Variants in RTCB observed in about 807,000 individuals in gnomAD.
RTCB encodes RNA 2',3'-cyclic phosphate and 5'-OH ligase, also known as RNA-splicing ligase RTCB.
Under a neutral mutation model 58.2 loss-of-function variants are expected in RTCB, and 32 were observed. That is an observed-to-expected ratio of 0.55 (90% CI 0.41 to 0.74). The LOEUF (loss-of-function observed/expected upper bound fraction) is 0.74, where lower values mean the gene tolerates loss of function less well. RTCB is among the 30% of genes least tolerant of loss of function. The probability of loss-of-function intolerance (pLI) is 0.00; values close to 1 mark genes in which losing one functional copy is unlikely to be tolerated. For synonymous variants in RTCB, 247 were observed against 218.6 expected, an observed-to-expected ratio of 1.13 and a Z score of -1.15; for missense variants, 523 against 639.0, an observed-to-expected ratio of 0.82 and a Z score of 1.96.
At chr22:32,402,844 C>G (rs2049947) in intron 4 of RTCB, among the ~76,000 whole-genome samples, 67,047 of 151,834 alleles carry the variant, frequency 0.44, 15,708 homozygotes, top group African/African-American at 0.62. Context: ...TTCCCGGCTC[C>G]AGCAATCCTC....
chr22:32,388,221 T>A (rs938878422), intron 11 of RTCB, 122 bp from the exon 12 acceptor site: 4 of 615,122 alleles, frequency 6.5e-6, no homozygotes, highest in African/African-American at 5.6e-5. Flanking sequence ...TTTTTTTGCC[T>A]ATGAAATTAG....
chr22:32,393,032 G>A (rs576323795), intron 10 of RTCB, among the ~76,000 whole-genome samples: 2 of 152,158 alleles, frequency 1.3e-5, no homozygotes, highest in Non-Finnish European at 2.9e-5. Flanking sequence ...AATCTCCTGG[G>A]CTCAAGCAAT....
chr22:32,401,675 A>G, intron 5 of RTCB, 72 bp downstream of exon 5: 1 of 1,506,204 alleles, frequency 6.6e-7, no homozygotes, highest in East Asian at 2.3e-5. Context: ...AGTGTACTGC[A>G]CTGGAAAGGA....
chr22:32,398,284 G>A (rs1479441990), intron 6 of RTCB, among the ~76,000 whole-genome samples, 184 bp from the exon 7 acceptor site: 2 of 151,986 alleles, frequency 1.3e-5, no homozygotes, highest in Non-Finnish European at 2.9e-5. Context: ...ACAAAATAAC[G>A]TAGACTAGCT....
At chr22:32,401,560 A>G (rs1238635962) in intron 5 of RTCB, 187 bp downstream of exon 5, 13 of 568,230 alleles carry the variant, frequency 2.3e-5, no homozygotes, top group Non-Finnish European at 3.3e-5. Flanking sequence ...AAAGGCTGTT[A>G]TAACATCGGT....
chr22:32,398,645 A>G (rs543734065), intron 6 of RTCB, among the ~76,000 whole-genome samples: 8 of 152,262 alleles, frequency 5.3e-5, no homozygotes, highest in African/African-American at 9.6e-5. Flanking sequence ...TCATAAACAA[A>G]AAAAATCAAG....
chr22:32,399,523 G>C (rs1933300169), intron 6 of RTCB, 80 bp downstream of exon 6: 1 of 1,319,532 alleles, frequency 7.6e-7, no homozygotes, highest in Admixed American at 2.1e-5. Flanking sequence ...TTTGCTAAAT[G>C]TAAGATATAG....
In RTCB at chr22:32,388,067, C is replaced by T. The variant is rs1008000356; in HGVS notation, c.1443G>A (p.Val481=). 2.5e-6 allele frequency: 4 copies of T among 1,613,620 alleles called. No homozygotes were observed. Among genetic ancestry groups the T allele is most frequent in the Non-Finnish European group, 3.4e-6 (4 of 1,179,588 alleles). Residue 481 remains valine (V), a synonymous_variant, in exon 12 of 12, where the codon GTG becomes GTA. Coordinates refer to ENST00000216038, the MANE Select transcript of RTCB (RefSeq NM_014306.5). The part of the protein sequence containing the change: ...APESYKNVTD[V]VNTCHDAGIS... ...TTCCAGCATCATGGCAGGTATTTAC[C>T]ACATCTGTCACATTCTTATAGGACT...
chr22:32,392,397 AAG>A, intron 10 of RTCB, 38 bp from the exon 11 acceptor site: 1 of 1,613,192 alleles, frequency 6.2e-7, no homozygotes, highest in Non-Finnish European at 8.5e-7. Flanking sequence ...TTTAAACCCT[AAG>A]ATGATAAGCC....
At chr22:32,395,970 G>A (rs1933239211) in intron 8 of RTCB, 104 bp downstream of exon 8, 1 of 1,180,476 alleles carries the variant, frequency 8.5e-7, no homozygotes, top group Non-Finnish European at 1.2e-6. Context: ...AAAGTGTTGG[G>A]ATTACAGGCA....
intron 5 of RTCB, chr22:32,401,505 T>A (rs1243397779): frequency 9.8e-6 from 4 of 407,856 alleles, no homozygotes; most frequent in Admixed American, 4.0e-5. Flanking sequence ...AAGTGCTCAA[T>A]AAACGTTGGT....
chr22:32,401,626 C>G (rs1933337626), intron 5 of RTCB, 121 bp downstream of exon 5: 1 of 1,132,664 alleles, frequency 8.8e-7, no homozygotes, highest in East Asian at 2.4e-5. Context: ...ACAGTTCTTA[C>G]TACTTCCTGA....
chr22:32,412,003 G>A (rs1933534938), intron 1 of RTCB, 61 bp downstream of exon 1: 4 of 1,381,706 alleles, frequency 2.9e-6, no homozygotes, highest in Non-Finnish European at 4.0e-6. Context: ...AGGGCGCAGT[G>A]GACGCCGGCC....
At chr22:32,388,557 A>C (rs1302639301) in intron 11 of RTCB, among the ~76,000 whole-genome samples, 2 of 152,212 alleles carry the variant, frequency 1.3e-5, no homozygotes, top group Non-Finnish European at 2.9e-5. Flanking sequence ...TATAAAATTC[A>C]TATATGTATA....
chr22:32,396,250 C>A lies in RTCB; in HGVS notation c.815-1G>T, dbSNP rs1456400819. On this transcript the variant is annotated splice_acceptor_variant, in intron 7 of 11. Coordinates refer to ENST00000216038, the MANE Select transcript of RTCB (RefSeq NM_014306.5). LOFTEE classifies it high-confidence loss of function. The stretch of plus-strand genomic sequence containing the variant: ...GCCTTCTCCATAGCTACCAGCGCAT[C>A]TGGAACAAGAGCCACAAAGTCCAAA... The A allele has an allele frequency of 6.2e-7, 1 of 1,613,764 alleles. No homozygotes were observed. Among genetic ancestry groups the A allele is most frequent in the Non-Finnish European group, 8.5e-7 (1 of 1,179,874 alleles).
intron 3 of RTCB, chr22:32,407,318 C>CGAAA (rs1298210921): frequency 1.3e-5 from 2 of 153,194 alleles, no homozygotes; most frequent in East Asian, 3.9e-4. Context: ...CATACCATTT[C>CGAAA]ATTCCCTCTA....
At chr22:32,394,352 T>A (rs1479282643) in intron 9 of RTCB, among the ~76,000 whole-genome samples, 2 of 152,002 alleles carry the variant, frequency 1.3e-5, no homozygotes, top group Non-Finnish European at 2.9e-5. Context: ...AACTCGTGAT[T>A]TGCCCGCCTT....
chr22:32,411,925 G>C lies in RTCB; in HGVS notation c.93+139C>G. The C allele has an allele frequency of 4.7e-6, 3 of 633,700 alleles. No homozygotes were observed. The South Asian group carries it at 6.4e-5, about 14-fold the overall frequency. The allele number at this position is 633,700 out of a possible 1,614,324, so 39.3% of individuals were successfully genotyped here. ...GTTGGGCGGCCCCAGAACCGTGAGG[G>C]GAGAAGGACGGGATGAGGGAAACTC... On this transcript the variant is annotated intron_variant, in intron 1 of 11. Transcript: ENST00000216038.
In RTCB at chr22:32,391,794, G is replaced by C. The variant is rs577300767; in HGVS notation, c.1410+446C>G. Reference sequence around the variant, plus strand: ...TCTTAAATCATTAAGGAATTATATTGCTTTTAATTTAAATATGTACATATA... The same window carrying C: ...TCTTAAATCATTAAGGAATTATATTCCTTTTAATTTAAATATGTACATATA... On this transcript the variant is annotated intron_variant, in intron 11 of 11. Transcript: ENST00000216038. 1.6e-3 allele frequency among the ~76,000 whole-genome samples: 236 copies of C among 152,146 alleles called. 1 individual carries two copies. The highest frequency in any genetic ancestry group is 2.9e-3 in the Non-Finnish European group (200 of 67,994).
Sources: allele counts gnomAD v4.1 joint callset (sites outside exome capture counted in the v4.1 genomes callset), GRCh38; gene constraint gnomAD v4.1.1; transcripts MANE v1.5; gene names NCBI Gene and HGNC (gene_info 2026-07-23, HGNC 2026-07-21).